Variants in LRRC3C observed in about 807,000 individuals in gnomAD.
LRRC3C encodes the protein leucine-rich repeat-containing protein 3C.
Under a neutral mutation model 14.8 loss-of-function variants are expected in LRRC3C, and 11 were observed. The ratio of observed to expected loss-of-function variants is 0.74; its 90% confidence interval spans 0.47 to 1.23. The LOEUF (loss-of-function observed/expected upper bound fraction) is 1.23. Among genes scored for constraint, LRRC3C ranks in the 50% most tolerant of loss-of-function variants. The pLI is 0.00. For missense variants in LRRC3C, 354 were observed against 361.8 expected (o/e 0.98, Z 0.18); for synonymous variants, 149 against 161.5 (o/e 0.92, Z 0.59).
chr17:39,935,372 C>T (rs542750546), intron 1 of LRRC3C, among the ~76,000 whole-genome samples: 50 of 152,262 alleles, frequency 3.3e-4, no homozygotes, highest in Non-Finnish European at 4.9e-4. Context: ...GTGACCCTGG[C>T]GGATCCCTCA....
rs1212755497 is a variant in LRRC3C, at chr17:39,944,186, G to T, written c.280G>T (p.Val94Leu). 6.5e-7 allele frequency: 1 copy of T among 1,535,962 alleles called. No individual in the cohort carries two copies. Among genetic ancestry groups the T allele is most frequent in the Admixed American group, 2.0e-5 (1 of 50,974 alleles). ...CCTGGATGCCAACCAGCTGGCATCG[G>T]TGCCTGCTGGTGCCTTCCAGCACCT... ...LYLDANQLAS[V>L]PAGAFQHLPV... Residue 94 changes from valine (V) to leucine (L), a missense_variant, in exon 4 of 4, where the codon GTG becomes TTG. By Grantham distance (32) the Val-to-Leu change is conservative. Transcript: ENST00000377924.
chr17:39,944,744 A>T lies in LRRC3C; in HGVS notation c.*10A>T. ...CAGCACAGTGGTCTGATGACCCAGG[A>T]TGCTCCTCCAGCCACACCCCACACT... is the stretch of plus-strand genomic sequence containing the variant. On this transcript the variant is annotated 3_prime_UTR_variant, in exon 4 of 4. Coordinates refer to ENST00000377924, the MANE Select transcript of LRRC3C (RefSeq NM_001195545.2). 6.5e-7 allele frequency: 1 copy of T among 1,535,010 alleles called. No individual in the cohort carries two copies. Among genetic ancestry groups the T allele is most frequent in the African/African-American group, 1.4e-5 (1 of 73,000 alleles).
At chr17:39,942,952 AAGCAGTTTC>A (rs1978978003) in intron 3 of LRRC3C, among the ~76,000 whole-genome samples, 1 of 152,160 alleles carries the variant, frequency 6.6e-6, no homozygotes, top group Non-Finnish European at 1.5e-5. Context: ...GAGTTCTGGG[AAGCAGTTTC>A]AGCCTTGGGG....
At position 39,941,513 on chromosome 17, in the gene LRRC3C, A is replaced by T; in HGVS notation, c.-11A>T. ...ATCCAGCAAGAAAAATCCTTCTCAG[A>T]AAGGTCTCCAATGCGTATGACCTCA... is the stretch of plus-strand genomic sequence containing the variant. On this transcript the variant is annotated 5_prime_UTR_variant, in exon 3 of 4. Transcript: ENST00000377924. 6.5e-7 allele frequency: 1 copy of T among 1,535,610 alleles called. No individual in the cohort carries two copies. The highest frequency in any genetic ancestry group is 1.2e-5 in the South Asian group (1 of 84,034).
At chr17:39,940,508 G>T (rs1335203919) in intron 2 of LRRC3C, among the ~76,000 whole-genome samples, 3 of 152,120 alleles carry the variant, frequency 2.0e-5, no homozygotes, top group African/African-American at 7.2e-5. Flanking sequence ...CACTTCCCAG[G>T]CTCAAGCCAT....
chr17:39,940,252 G>T (rs1388595218), intron 2 of LRRC3C, among the ~76,000 whole-genome samples: 1 of 152,098 alleles, frequency 6.6e-6, no homozygotes, highest in African/African-American at 2.4e-5. Flanking sequence ...CATCTGGTCT[G>T]GTCCCCATCA....
At chr17:39,941,673 C>T (rs1978945404) in intron 3 of LRRC3C, 124 bp downstream of exon 3, 8 of 824,706 alleles carry the variant, frequency 9.7e-6, no homozygotes, top group East Asian at 2.7e-5. Context: ...TCAGGCTCAA[C>T]GTGCAAGGAT....
chr17:39,935,589 G>A (rs1427733980), intron 1 of LRRC3C, among the ~76,000 whole-genome samples: 7 of 152,202 alleles, frequency 4.6e-5, no homozygotes, highest in African/African-American at 1.7e-4. Flanking sequence ...GGAGGTTGAG[G>A]CTGCAAGTGA....
Position 39,944,180 on chromosome 17 carries a change from G to A in LRRC3C, c.274G>A (p.Ala92Thr), listed in dbSNP as rs1306651985. The A allele has an allele frequency of 6.5e-7, 1 of 1,536,200 alleles. No individual in the cohort carries two copies. Among genetic ancestry groups the A allele is most frequent in the South Asian group, 1.2e-5 (1 of 84,066 alleles). Residue 92 changes from alanine to threonine, a missense_variant, in exon 4 of 4, where the codon GCA (alanine) becomes ACA (threonine). Transcript: ENST00000377924. ...GCTCTACCTGGATGCCAACCAGCTG[G>A]CATCGGTGCCTGCTGGTGCCTTCCA... ...RKLYLDANQLASVPAGAFQHL... is the reference protein window; with the variant it reads ...RKLYLDANQLTSVPAGAFQHL...
chr17:39,938,268 G>A (rs183056836), intron 2 of LRRC3C, among the ~76,000 whole-genome samples: 7 of 152,284 alleles, frequency 4.6e-5, no homozygotes, highest in African/African-American at 1.2e-4. Context: ...TCTTTCTCAC[G>A]TATTGAGTCT....
At chr17:39,943,876 G>A (rs72832966) in intron 3 of LRRC3C, 57 bp from the exon 4 acceptor site, 148,182 of 1,507,148 alleles carry the variant, frequency 0.098, 7,942 homozygotes, top group African/African-American at 0.12. Context: ...AAAGCTGGCA[G>A]TGGGGCATGC....
chr17:39,938,262 T>C (rs1978851634), intron 2 of LRRC3C, among the ~76,000 whole-genome samples: 1 of 152,192 alleles, frequency 6.6e-6, no homozygotes, highest in Admixed American at 6.5e-5. Flanking sequence ...GGGTTTTCTT[T>C]CTCACGTATT....
intron 1 of LRRC3C, among the ~76,000 whole-genome samples, chr17:39,935,526 G>A (rs900894744): frequency 2.6e-5 from 4 of 152,130 alleles, no homozygotes; most frequent in African/African-American, 4.8e-5. Context: ...GGTGGTGTGC[G>A]CCTGTAGTCC....
chr17:39,941,792 C>A (rs1222963422), intron 3 of LRRC3C, among the ~76,000 whole-genome samples: 2 of 152,236 alleles, frequency 1.3e-5, no homozygotes, highest in Non-Finnish European at 2.9e-5. Context: ...TCTTTGGCCA[C>A]TGACTCATTG....
In LRRC3C at chr17:39,944,725, A is replaced by C; in HGVS notation, c.819A>C (p.Thr273=). Residue 273 remains threonine (T), a synonymous_variant, in exon 4 of 4, where the codon ACA becomes ACC. Transcript: ENST00000377924. ...VRSEDSSILS[T]VV ...CCGAGGACTCCTCCATCCTCAGCACAGTGGTCTGATGACCCAGGATGCTCC... is the reference window on the plus strand; with the variant it reads ...CCGAGGACTCCTCCATCCTCAGCACCGTGGTCTGATGACCCAGGATGCTCC... 1 of 1,535,908 alleles carries C rather than the reference A, an allele frequency of 6.5e-7. No homozygotes were observed. Among genetic ancestry groups the C allele is most frequent in the Non-Finnish European group, 8.7e-7 (1 of 1,146,834 alleles).
intron 3 of LRRC3C, among the ~76,000 whole-genome samples, chr17:39,943,067 G>A (rs747155796): frequency 6.6e-6 from 1 of 152,154 alleles, no homozygotes; most frequent in Non-Finnish European, 1.5e-5. Flanking sequence ...GTTCATCAGG[G>A]TCCAGGATCT....
At chr17:39,939,168 G>A (rs1426049840) in intron 2 of LRRC3C, among the ~76,000 whole-genome samples, 1 of 152,178 alleles carries the variant, frequency 6.6e-6, no homozygotes, top group African/African-American at 2.4e-5. Flanking sequence ...CTGCAAAGGA[G>A]ATTGAAGAAG....
chr17:39,936,065 A>T (rs1978787301), intron 2 of LRRC3C, among the ~76,000 whole-genome samples, 171 bp downstream of exon 2: 2 of 152,190 alleles, frequency 1.3e-5, no homozygotes, highest in South Asian at 4.2e-4. Context: ...CATATTGGGG[A>T]TATAGAGTTA....
chr17:39,933,715 A>G, intron 1 of LRRC3C, among the ~76,000 whole-genome samples: 1 of 152,144 alleles, frequency 6.6e-6, no homozygotes. Flanking sequence ...CCTGGGCGAC[A>G]GAGCAAGACT....
Sources: gnomAD v4.1 joint callset for allele counts (sites outside exome capture counted in the v4.1 genomes callset) on GRCh38, gnomAD v4.1.1 for gene constraint, MANE v1.5 for transcripts, NCBI Gene and HGNC (gene_info 2026-07-23, HGNC 2026-07-21) for gene names.